The following GNAT1 variants were observed in gnomAD, a reference collection of about 807,000 sequenced individuals.
The protein encoded by GNAT1 is G protein subunit alpha transducin 1.
A neutral mutation model predicts 40.0 loss-of-function variants in GNAT1; 36 were observed. The observed-to-expected ratio is 0.90, with a 90% CI of 0.69 to 1.19. The LOEUF (loss-of-function observed/expected upper bound fraction) is 1.19, where lower values mean the gene tolerates loss of function less well. Ranked by LOEUF, GNAT1 falls within the 50% of genes most tolerant of loss-of-function variation. GNAT1 has a pLI of 0.00. For synonymous variants in GNAT1, 195 were observed against 192.9 expected (o/e 1.01, Z -0.09); for missense variants, 413 against 480.6 (o/e 0.86, Z 1.32).
In GNAT1 at chr3:50,193,555, C is replaced by T. The variant is rs1279193204; in HGVS notation, c.341C>T (p.Thr114Met). Residue 114 changes from threonine to methionine, a missense_variant, in exon 4 of 9, where the codon ACG (threonine) becomes ATG (methionine). Coordinates refer to ENST00000232461, the MANE Select transcript of GNAT1 (RefSeq NM_144499.3). The surrounding 1 kb of genome is among the most constrained non-coding windows in gnomAD (Gnocchi z 8.1). ...MHMADTIEEG[T>M]MPKEMSDIIQ... is the part of the protein sequence containing the mutation. ...ATGGCAGACACTATCGAGGAGGGCA[C>T]GATGCCCAAGGAGATGTCGGACATC... 1.2e-6 allele frequency: 2 copies of T among 1,613,152 alleles called. No individual in the cohort carries two copies. The highest frequency in any genetic ancestry group is 1.7e-6 in the Non-Finnish European group (2 of 1,179,876).
In GNAT1 at chr3:50,194,062, G is replaced by T. The variant is rs1699464070; in HGVS notation, c.579-30G>T. On this transcript the variant is annotated intron_variant, in intron 5 of 8. Coordinates refer to ENST00000232461, the MANE Select transcript of GNAT1 (RefSeq NM_144499.3). The surrounding 1 kb of genome is among the most constrained non-coding windows in gnomAD (Gnocchi z 6.1). Reference sequence around the variant, plus strand: ...AGGGATGTTGCCTGTGGGGCCCGGGGCGCAGGTTCAGGCCCCCGCGGCCCC... The same window carrying T: ...AGGGATGTTGCCTGTGGGGCCCGGGTCGCAGGTTCAGGCCCCCGCGGCCCC... 6.2e-7 allele frequency: 1 copy of T among 1,611,454 alleles called. No individual in the cohort carries two copies. Among genetic ancestry groups the T allele is most frequent in the Non-Finnish European group, 8.5e-7 (1 of 1,178,436 alleles).
Sources: allele counts gnomAD v4.1 joint callset, GRCh38; gene constraint gnomAD v4.1.1; non-coding constraint Gnocchi (gnomAD v3.1); transcripts MANE v1.5; gene names NCBI Gene and HGNC (gene_info 2026-07-23, HGNC 2026-07-21).